WDFY4: variants seen among roughly 807,000 people sequenced by gnomAD.
WDFY4 encodes WD repeat- and FYVE domain-containing protein 4.
WDFY4 carries 169 observed loss-of-function variants against 351.9 expected under a neutral mutation model. The ratio of observed to expected loss-of-function variants is 0.48; its 90% CI spans 0.42 to 0.55. WDFY4 has a LOEUF of 0.55. WDFY4 is among the 20% of genes least tolerant of loss of function. WDFY4 has a pLI of 0.00. For missense variants in WDFY4, 3,803 were observed against 3,935.6 expected, an observed-to-expected ratio of 0.97 and a Z score of 0.90; for synonymous variants, 1,622 against 1,574.6, an observed-to-expected ratio of 1.03 and a Z score of -0.71.
At chr10:48,962,051 A>T (rs1841881794) in intron 53 of WDFY4, among the ~76,000 whole-genome samples, 1 of 152,148 alleles carries the variant, frequency 6.6e-6, no homozygotes, top group Non-Finnish European at 1.5e-5. Flanking sequence ...AGGACATGGG[A>T]TATGTGTTGG....
intron 1 of WDFY4, among the ~76,000 whole-genome samples, chr10:48,700,294 C>T (rs560307088): frequency 2.0e-5 from 3 of 152,156 alleles, no homozygotes; most frequent in East Asian, 1.9e-4. Context: ...TTGCTTTGTA[C>T]GTTATGTAGA....
chr10:48,837,944 T>C (rs1406765153), intron 39 of WDFY4, among the ~76,000 whole-genome samples: 1 of 152,202 alleles, frequency 6.6e-6, no homozygotes, highest in Non-Finnish European at 1.5e-5. Context: ...GGGGGACTTA[T>C]AGAAGAACAG....
chr10:48,890,538 C>T, intron 43 of WDFY4, 41 bp from the exon 44 acceptor site: 1 of 1,550,878 alleles, frequency 6.4e-7, no homozygotes, highest in Non-Finnish European at 8.7e-7. Context: ...CATGGGCATG[C>T]TTCCTGTGCA....
chr10:48,693,688 T>C (rs1472781661), intron 1 of WDFY4, among the ~76,000 whole-genome samples: 1 of 152,242 alleles, frequency 6.6e-6, no homozygotes, highest in Non-Finnish European at 1.5e-5. Context: ...GGTGGGAAAC[T>C]GAGTCACAGA....
chr10:48,686,308 C>T (rs898659603), intron 1 of WDFY4, among the ~76,000 whole-genome samples: 1 of 128,562 alleles, frequency 7.8e-6, no homozygotes. Flanking sequence ...CGATGAAACT[C>T]CATCTCCAAA....
chr10:48,906,187 C>T (rs1167099479), intron 47 of WDFY4, among the ~76,000 whole-genome samples: 2 of 152,136 alleles, frequency 1.3e-5, no homozygotes, highest in African/African-American at 2.4e-5. Context: ...GTGTGTGTGC[C>T]GTTCTGAGGG....
intron 44 of WDFY4, among the ~76,000 whole-genome samples, chr10:48,896,590 G>A (rs894303026): frequency 1.3e-5 from 2 of 152,136 alleles, no homozygotes; most frequent in South Asian, 2.1e-4. Flanking sequence ...GGATGCAGGC[G>A]CTGTGCAGAT....
intron 31 of WDFY4, among the ~76,000 whole-genome samples, chr10:48,814,809 A>G (rs2067566999): frequency 6.6e-6 from 1 of 152,264 alleles, no homozygotes; most frequent in Admixed American, 6.5e-5. Flanking sequence ...ACACCCACCC[A>G]AAAATGAGCA....
At chr10:48,945,895 A>G in intron 49 of WDFY4, 145 bp from the exon 50 acceptor site, 1 of 554,970 alleles carries the variant, frequency 1.8e-6, no homozygotes, top group South Asian at 2.9e-5. Context: ...GGGGCCATAA[A>G]ACCCCAGCCT....
At chr10:48,896,463 A>T (rs544921863) in intron 44 of WDFY4, among the ~76,000 whole-genome samples, 2 of 152,176 alleles carry the variant, frequency 1.3e-5, no homozygotes, top group African/African-American at 4.8e-5. Context: ...GGTCCTGAAG[A>T]GCTCCCTGGT....
At chr10:48,685,658 G>A (rs2063023711) in intron 1 of WDFY4, among the ~76,000 whole-genome samples, 1 of 152,156 alleles carries the variant, frequency 6.6e-6, no homozygotes. Flanking sequence ...CTTTTCCCCT[G>A]AAATGAAACT....
At chr10:48,894,281 G>A (rs1836961263) in intron 44 of WDFY4, among the ~76,000 whole-genome samples, 1 of 152,206 alleles carries the variant, frequency 6.6e-6, no homozygotes, top group Non-Finnish European at 1.5e-5. Context: ...AGAGTCCTGA[G>A]TTGCAGAAAC....
At chr10:48,867,218 A>AAATAAAATAG (rs2069579984) in intron 39 of WDFY4, 47 bp from the exon 40 acceptor site, 1 of 854,108 alleles carries the variant, frequency 1.2e-6, no homozygotes, top group Non-Finnish European at 1.6e-6. Context: ...AAATAAAATA[A>AAATAAAATAG]AATCACAACT....
intron 12 of WDFY4, among the ~76,000 whole-genome samples, chr10:48,748,703 A>G (rs1259332810): frequency 6.6e-6 from 1 of 152,178 alleles, no homozygotes; most frequent in Non-Finnish European, 1.5e-5. Context: ...TCTCCCTAAA[A>G]GAGATACATG....
chr10:48,923,615 A>G (rs1839317371), intron 47 of WDFY4, among the ~76,000 whole-genome samples: 1 of 151,586 alleles, frequency 6.6e-6, no homozygotes, highest in Non-Finnish European at 1.5e-5. Context: ...ATTAGTGCTT[A>G]CTCATGCATT....
At chr10:48,838,271 A>G (rs1039169115) in intron 39 of WDFY4, among the ~76,000 whole-genome samples, 5 of 152,224 alleles carry the variant, frequency 3.3e-5, no homozygotes, top group Non-Finnish European at 7.3e-5. Flanking sequence ...CTGCCCTATG[A>G]GACCTCCAAT....
chr10:48,926,699 C>T (rs1839600001), intron 47 of WDFY4, among the ~76,000 whole-genome samples: 1 of 151,964 alleles, frequency 6.6e-6, no homozygotes, highest in Admixed American at 6.5e-5. Flanking sequence ...TAAATATATA[C>T]AAATAGTATG....
rs1165242032 is a variant in WDFY4 at position 48,970,058 on chromosome 10, C to T, written c.8770-73C>T. The T allele has an allele frequency of 6.7e-6, 10 of 1,495,094 alleles. No individual in the cohort carries two copies. The East Asian group carries it at 7.4e-5, about 11-fold the overall frequency. 92.6% of individuals were successfully genotyped at this position (1,495,094 alleles called of 1,614,324 possible). The stretch of plus-strand genomic sequence containing the variant: ...CAAGGCACTCAGACTGGCCCACATA[C>T]CCCCGTGACTCTATCCTGGGCTCCT... On this transcript the variant is annotated intron_variant, in intron 56 of 61. Coordinates refer to ENST00000325239, the MANE Select transcript of WDFY4 (RefSeq NM_001394531.1).
intron 30 of WDFY4, among the ~76,000 whole-genome samples, chr10:48,812,195 T>TG (rs371305070): frequency 6.7e-6 from 1 of 149,264 alleles, no homozygotes; most frequent in African/African-American, 2.5e-5. Flanking sequence ...TTTTTGTTTT[T>TG]TTTGTTTTTT....
Sources: gnomAD v4.1 joint callset for allele counts (sites outside exome capture counted in the v4.1 genomes callset) on GRCh38, gnomAD v4.1.1 for gene constraint, MANE v1.5 for transcripts, NCBI Gene and HGNC (gene_info 2026-07-23, HGNC 2026-07-21) for gene names.